Variants in BRIP1 observed in about 807,000 individuals in gnomAD.
The protein encoded by BRIP1 is BRCA1 interacting DNA helicase 1.
Under a neutral mutation model 119.7 loss-of-function variants are expected in BRIP1, and 88 were observed. The ratio of observed to expected loss-of-function variants is 0.74; its 90% confidence interval spans 0.62 to 0.88. The LOEUF (loss-of-function observed/expected upper bound fraction) is 0.88, where lower values mean the gene tolerates loss of function less well. Ranked by LOEUF, BRIP1 falls within the 40% of genes least tolerant of loss-of-function variation. The pLI, the probability that BRIP1 is intolerant of heterozygous loss-of-function variation, is 0.00. For missense variants in BRIP1, 1,259 were observed against 1,455.4 expected (o/e 0.87, Z 2.20); for synonymous variants, 443 against 496.5 (o/e 0.89, Z 1.43).
In BRIP1 at chr17:61,822,841, A is replaced by G. The variant is rs2078346857; in HGVS notation, c.628-14084T>C. Among the ~76,000 whole-genome samples, 1 of 152,168 alleles carries G rather than the reference A, an allele frequency of 6.6e-6. No homozygotes were observed. Among genetic ancestry groups the G allele is most frequent in the Admixed American group, 6.5e-5 (1 of 15,274 alleles). On this transcript the variant is annotated intron_variant, in intron 6 of 19. Transcript: ENST00000259008. The surrounding 1 kb of genome is among the most constrained non-coding windows in gnomAD (Gnocchi z 4.4). Reference sequence around the variant, plus strand: ...CAGTTTAAAGGTGGGACGGTTCCAAATGACAACGAAGTCCCATGTGTAGTG... The same window carrying G: ...CAGTTTAAAGGTGGGACGGTTCCAAGTGACAACGAAGTCCCATGTGTAGTG...
chr17:61,838,447 G>A (rs771280289), intron 6 of BRIP1, among the ~76,000 whole-genome samples: 1 of 151,910 alleles, frequency 6.6e-6, no homozygotes, highest in Non-Finnish European at 1.5e-5. Context: ...TTGGGAGGCT[G>A]AGGCAGGAGA....
intron 14 of BRIP1, among the ~76,000 whole-genome samples, chr17:61,771,823 A>T (rs748841616): frequency 6.6e-6 from 1 of 151,966 alleles, no homozygotes; most frequent in Non-Finnish European, 1.5e-5. Context: ...TTAGCCAGAC[A>T]TGTTGGCGGA....
Position 61,841,760 on chromosome 17 carries a change from C to G in BRIP1, c.627+5341G>C, listed in dbSNP as rs1015693180. ...TAGCATGATCATATCTCACCACAGTCTGAAACTCCTAGAGTCAAGTGATCG... is the reference window on the plus strand; with the variant it reads ...TAGCATGATCATATCTCACCACAGTGTGAAACTCCTAGAGTCAAGTGATCG... On this transcript the variant is annotated intron_variant, in intron 6 of 19. Transcript: ENST00000259008. The surrounding 1 kb of genome is among the most constrained non-coding windows in gnomAD (Gnocchi z 4.1). 9.2e-5 allele frequency among the ~76,000 whole-genome samples: 14 copies of G among 152,290 alleles called. 1 individual carries two copies. Among genetic ancestry groups the G allele is most frequent in the Admixed American group, 7.8e-4 (12 of 15,296 alleles).
chr17:61,786,216 CAG>C (rs889541121), intron 10 of BRIP1, among the ~76,000 whole-genome samples: 14 of 151,444 alleles, frequency 9.2e-5, no homozygotes, highest in African/African-American at 2.9e-4. Flanking sequence ...GTGTGTGTGA[CAG>C]AGAGAGAAGA....
Position 61,822,928 on chromosome 17 carries a change from C to T in BRIP1, c.628-14171G>A, listed in dbSNP as rs1318183344. ...TTCAAGAAGGCTGAGGAACTATGGT[C>T]AAAATAGCAGATCATCAACACAGAT... On this transcript the variant is annotated intron_variant, in intron 6 of 19. Coordinates refer to ENST00000259008, the MANE Select transcript of BRIP1 (RefSeq NM_032043.3). This position sits in a 1 kb window ranked among gnomAD's most constrained non-coding sequence, Gnocchi z 4.4. 6.6e-6 allele frequency among the ~76,000 whole-genome samples: 1 copy of T among 152,102 alleles called. No individual in the cohort carries two copies. The highest frequency in any genetic ancestry group is 1.5e-5 in the Non-Finnish European group (1 of 68,010).
intron 16 of BRIP1, among the ~76,000 whole-genome samples, chr17:61,719,134 G>T (rs772473038): frequency 6.6e-6 from 1 of 151,838 alleles, no homozygotes; most frequent in Non-Finnish European, 1.5e-5. Flanking sequence ...AAGATATGTG[G>T]AGTTACTTTC....
At chr17:61,721,662 T>C (rs1023799986) in intron 16 of BRIP1, among the ~76,000 whole-genome samples, 1 of 147,408 alleles carries the variant, frequency 6.8e-6, no homozygotes, top group African/African-American at 2.5e-5. Flanking sequence ...AACTAGAATA[T>C]AAAGGACATA....
intron 16 of BRIP1, among the ~76,000 whole-genome samples, chr17:61,718,791 G>A (rs755644937): frequency 2.0e-5 from 3 of 152,186 alleles, no homozygotes; most frequent in Non-Finnish European, 4.4e-5. Flanking sequence ...ATCCATGGGT[G>A]ACTGGTTTCA....
chr17:61,812,194 A>C (rs2078172916), intron 6 of BRIP1, among the ~76,000 whole-genome samples: 1 of 152,146 alleles, frequency 6.6e-6, no homozygotes, highest in Non-Finnish European at 1.5e-5. Flanking sequence ...CTCTCTCTGA[A>C]ACCCTTTGAC....
intron 4 of BRIP1, among the ~76,000 whole-genome samples, chr17:61,854,882 A>T (rs200293016): frequency 2.6e-5 from 4 of 152,196 alleles, no homozygotes; most frequent in Non-Finnish European, 5.9e-5. Flanking sequence ...AAATATACAT[A>T]AACAGCCAAT....
chr17:61,692,528 A>G (rs2061462755), intron 18 of BRIP1, among the ~76,000 whole-genome samples: 1 of 152,196 alleles, frequency 6.6e-6, no homozygotes, highest in Non-Finnish European at 1.5e-5. Flanking sequence ...AAATCCAAAT[A>G]ACCCAATTAA....
rs899745722 is a variant in BRIP1 at position 61,824,976 on chromosome 17, T to C, written c.628-16219A>G. ...GAGCAAAAGCTAGAAGCATTTCCCC[T>C]GAAAACCAGCACAAGAAAAGGAAGC... On this transcript the variant is annotated intron_variant, in intron 6 of 19. Transcript: ENST00000259008. The surrounding 1 kb of genome is among the most constrained non-coding windows in gnomAD (Gnocchi z 4.3). 2.6e-5 allele frequency among the ~76,000 whole-genome samples: 4 copies of C among 152,112 alleles called. No homozygotes were observed. Among genetic ancestry groups the C allele is most frequent in the African/African-American group, 9.7e-5 (4 of 41,434 alleles).
At position 61,686,479 on chromosome 17, in the gene BRIP1, C is replaced by T. The variant is rs1028115287; in HGVS notation, c.2576-314G>A. Reference sequence around the variant, plus strand: ...GTGAACATGGCAAATTTAATTTCATCATAATTCCCCACAAAAATTGCCTTT... The same window carrying T: ...GTGAACATGGCAAATTTAATTTCATTATAATTCCCCACAAAAATTGCCTTT... On this transcript the variant is annotated intron_variant, in intron 18 of 19. Transcript: ENST00000259008. The surrounding 1 kb of genome is among the most constrained non-coding windows in gnomAD (Gnocchi z 5.4). 6.6e-6 allele frequency among the ~76,000 whole-genome samples: 1 copy of T among 150,740 alleles called. No homozygotes were observed. Among genetic ancestry groups the T allele is most frequent in the African/African-American group, 2.4e-5 (1 of 41,138 alleles).
At chr17:61,836,886 C>T (rs989537734) in intron 6 of BRIP1, among the ~76,000 whole-genome samples, 1 of 152,134 alleles carries the variant, frequency 6.6e-6, no homozygotes, top group Admixed American at 6.5e-5. Context: ...AGAGTTTATT[C>T]AGAGACAGAA....
Position 61,827,094 on chromosome 17 carries a change from A to AG in BRIP1, c.628-18338_628-18337insC, listed in dbSNP as rs2078420943. ...CACTGTGGAATACTATGTAGCCATAAAAAAAATGAGACTGTGTCCTTTACA... is the reference window on the plus strand; with the variant it reads ...CACTGTGGAATACTATGTAGCCATAAGAAAAAATGAGACTGTGTCCTTTACA... On this transcript the variant is annotated intron_variant, in intron 6 of 19. Coordinates refer to ENST00000259008, the MANE Select transcript of BRIP1 (RefSeq NM_032043.3). The surrounding 1 kb of genome is among the most constrained non-coding windows in gnomAD (Gnocchi z 5.8). 6.6e-6 allele frequency among the ~76,000 whole-genome samples: 1 copy of AG among 151,732 alleles called. No homozygotes were observed. Among genetic ancestry groups the AG allele is most frequent in the South Asian group, 2.1e-4 (1 of 4,786 alleles).
rs1186055477 is a variant in BRIP1 at position 61,680,068 on chromosome 17, C to A, written c.*3228G>T. ...AAGAATAAAAAATATCTAGGCCAGG[C>A]ATGGTGGCTCACGCCTGTAATCCCA... On this transcript the variant is annotated 3_prime_UTR_variant, in exon 20 of 20. Coordinates refer to ENST00000259008, the MANE Select transcript of BRIP1 (RefSeq NM_032043.3). Among the ~76,000 whole-genome samples, 1 of 151,780 alleles carries A rather than the reference C, an allele frequency of 6.6e-6. No homozygotes were observed. Among genetic ancestry groups the A allele is most frequent in the African/African-American group, 2.4e-5 (1 of 41,294 alleles).
chr17:61,857,698 T>G lies in BRIP1; in HGVS notation c.206-467A>C, dbSNP rs1156428159. Among the ~76,000 whole-genome samples the G allele has an allele frequency of 2.6e-5, 4 of 152,192 alleles. No individual in the cohort carries two copies. In the South Asian group the frequency reaches 8.3e-4, roughly 32 times the overall value. ...GAGGTCATGCCACTGCACTCCAGCC[T>G]AGGCGACAGAGCAAGACTCTGTTTC... is the stretch of plus-strand genomic sequence containing the variant. On this transcript the variant is annotated intron_variant, in intron 3 of 19. Coordinates refer to ENST00000259008, the MANE Select transcript of BRIP1 (RefSeq NM_032043.3). The surrounding 1 kb of genome is among the most constrained non-coding windows in gnomAD (Gnocchi z 5.1).
intron 11 of BRIP1, among the ~76,000 whole-genome samples, chr17:61,782,533 T>C (rs763637883): frequency 2.6e-5 from 4 of 152,076 alleles, no homozygotes; most frequent in Admixed American, 6.6e-5. Flanking sequence ...TTAAAAACCT[T>C]TTCTGCATCA....
intron 10 of BRIP1, among the ~76,000 whole-genome samples, chr17:61,787,793 C>A (rs1177038297): frequency 6.6e-6 from 1 of 152,158 alleles, no homozygotes; most frequent in Non-Finnish European, 1.5e-5. Context: ...TACAGGCGCC[C>A]GCCACCACGC....
Sources: gnomAD v4.1 joint callset for allele counts (sites outside exome capture counted in the v4.1 genomes callset) on GRCh38, gnomAD v4.1.1 for gene constraint, Gnocchi (gnomAD v3.1) non-coding constraint, MANE v1.5 for transcripts, NCBI Gene and HGNC (gene_info 2026-07-23, HGNC 2026-07-21) for gene names.